The following ZKSCAN1 variants were observed in gnomAD, a reference collection of about 807,000 sequenced individuals.
ZKSCAN1 encodes the protein zinc finger protein with KRAB and SCAN domains 1.
In ZKSCAN1, 14 loss-of-function variants were observed where a neutral mutation model predicts 51.6. The observed-to-expected ratio is 0.27, with a 90% CI of 0.18 to 0.42. The LOEUF is 0.42. Among genes scored for constraint, ZKSCAN1 ranks in the 10% least tolerant of loss-of-function variants. ZKSCAN1 has a pLI of 1.00. For missense variants in ZKSCAN1, 531 were observed against 710.0 expected, an observed-to-expected ratio of 0.75 and a Z score of 2.86; for synonymous variants, 263 against 261.5, an observed-to-expected ratio of 1.01 and a Z score of -0.06.
chr7:100,018,954 C>T (rs1584325813), intron 1 of ZKSCAN1, among the ~76,000 whole-genome samples: 1 of 152,182 alleles, frequency 6.6e-6, no homozygotes, highest in South Asian at 2.1e-4. Flanking sequence ...CGCATCTTCG[C>T]ACTGACCCAA....
At chr7:100,028,782 C>T (rs1323869444) in intron 3 of ZKSCAN1, among the ~76,000 whole-genome samples, 1 of 118,744 alleles carries the variant, frequency 8.4e-6, no homozygotes, top group African/African-American at 3.1e-5. Flanking sequence ...TTGAACCATG[C>T]ATACATCTTA....
chr7:100,030,030 G>A, intron 4 of ZKSCAN1, 78 bp downstream of exon 4: 1 of 1,521,590 alleles, frequency 6.6e-7, no homozygotes. Context: ...ATCTCCACAG[G>A]CCACTCTGGA....
rs1791556179 is a variant in ZKSCAN1 at position 100,040,710 on chromosome 7, G to C, written c.*6513G>C. On this transcript the variant is annotated 3_prime_UTR_variant, in exon 6 of 6. Coordinates refer to ENST00000324306, the MANE Select transcript of ZKSCAN1 (RefSeq NM_003439.4). ...CCAGGCTGAGAAAGAGTAATTAGGA[G>C]GCCTGAGGAGGGGCCGAGGAAAGGC... The C allele has an allele frequency of 1.0e-6, 1 of 985,444 alleles. No homozygotes were observed. The highest frequency in any genetic ancestry group is 1.2e-6 in the Non-Finnish European group (1 of 829,964). 61.0% of individuals were successfully genotyped at this position (985,444 alleles called of 1,614,324 possible). A position where few individuals can be genotyped will look rare whatever the true frequency, so the allele number is the denominator to read the frequency against.
downstream of ZKSCAN1, among the ~76,000 whole-genome samples, chr7:100,041,845 C>A (rs1355023880): frequency 2.6e-5 from 4 of 152,154 alleles, no homozygotes; most frequent in African/African-American, 9.7e-5. Flanking sequence ...GTTTACTTTG[C>A]AAACCAAAAT....
rs1006001855 is a variant in ZKSCAN1 at position 100,034,927 on chromosome 7, A to G, written c.*730A>G. The G allele has an allele frequency of 9.2e-5, 14 of 152,818 alleles. No individual in the cohort carries two copies. Among genetic ancestry groups the G allele is most frequent in the African/African-American group, 3.4e-4 (14 of 41,568 alleles). The allele number at this position is 152,818 out of a possible 1,614,324, so 9.5% of individuals were successfully genotyped here. A position where few individuals can be genotyped will look rare whatever the true frequency, so the allele number is the denominator to read the frequency against. ...CTCCAAATACATCTCTCCCTTCTTG[A>G]AATCCCTAAAGCACTATCGCACTCC... On this transcript the variant is annotated 3_prime_UTR_variant, in exon 6 of 6. Coordinates refer to ENST00000324306, the MANE Select transcript of ZKSCAN1 (RefSeq NM_003439.4).
Position 100,034,004 on chromosome 7 carries a change from G to A in ZKSCAN1, c.1499G>A (p.Arg500Gln). The change falls in exon 6 of 6, where the codon CGA becomes CAA. Residue 500 changes from arginine (R) to glutamine (Q), a missense_variant. This residue lies in a region of ZKSCAN1 where 128 missense variants were observed against 219.5 expected (regional missense o/e 0.58). Transcript: ENST00000324306. Reference sequence around the variant, plus strand: ...AGTGAATGTGGAAAAGCTTTCAACCGAAACTCATACCTGATTTTGCATCGG... The same window carrying A: ...AGTGAATGTGGAAAAGCTTTCAACCAAAACTCATACCTGATTTTGCATCGG... ...ECSECGKAFN[R>Q]NSYLILHRRI... 1.2e-6 allele frequency: 2 copies of A among 1,614,098 alleles called. No homozygotes were observed. Among genetic ancestry groups the A allele is most frequent in the East Asian group, 2.2e-5 (1 of 44,882 alleles).
intron 3 of ZKSCAN1, among the ~76,000 whole-genome samples, chr7:100,029,021 G>A (rs1790975411): frequency 6.6e-6 from 1 of 151,978 alleles, no homozygotes; most frequent in Non-Finnish European, 1.5e-5. Flanking sequence ...AAAATTAGCT[G>A]GGCGTGGTGG....
At chr7:100,017,576 A>G (rs1327079119) in intron 1 of ZKSCAN1, among the ~76,000 whole-genome samples, 3 of 152,224 alleles carry the variant, frequency 2.0e-5, no homozygotes, top group Non-Finnish European at 4.4e-5. Flanking sequence ...GCTGTTTGGA[A>G]CACAGCCTTT....
intron 1 of ZKSCAN1, among the ~76,000 whole-genome samples, chr7:100,022,033 A>G (rs1442678734): frequency 6.6e-6 from 1 of 152,036 alleles, no homozygotes. Flanking sequence ...ATGAGCTACC[A>G]TATCTGGCCA....
Position 100,023,402 on chromosome 7 carries a change from T to C in ZKSCAN1, c.-88-17T>C, listed in dbSNP as rs1005786068. On this transcript the variant is annotated splice_polypyrimidine_tract_variant and intron_variant, in intron 1 of 5. Transcript: ENST00000324306. ...TTTGTAAAGGTACGTACTAATGACTTTTTTTTTATACTTCAGGAATAGTAA... is the reference window on the plus strand; with the variant it reads ...TTTGTAAAGGTACGTACTAATGACTCTTTTTTTATACTTCAGGAATAGTAA... The C allele has an allele frequency of 1.0e-5, 14 of 1,360,954 alleles. No homozygotes were observed. The highest frequency in any genetic ancestry group is 1.4e-5 in the Non-Finnish European group (14 of 1,001,238). 84.3% of individuals were successfully genotyped at this position (1,360,954 alleles called of 1,614,324 possible).
In ZKSCAN1 at chr7:100,036,726, A is replaced by G. The variant is rs556007190; in HGVS notation, c.*2529A>G. ...GCAAAACTCCATCTCAAAAAAAAAAAAAAGAAAGAAAGAAACTGAAAAGTG... is the reference window on the plus strand; with the variant it reads ...GCAAAACTCCATCTCAAAAAAAAAAGAAAGAAAGAAAGAAACTGAAAAGTG... On this transcript the variant is annotated 3_prime_UTR_variant, in exon 6 of 6. Transcript: ENST00000324306. 1.4e-4 allele frequency: 134 copies of G among 984,550 alleles called. 1 individual carries two copies. Among genetic ancestry groups the G allele is most frequent in the South Asian group, 9.9e-4 (21 of 21,266 alleles). 61.0% of individuals were successfully genotyped at this position (984,550 alleles called of 1,614,324 possible). A position where few individuals can be genotyped will look rare whatever the true frequency, so the allele number is the denominator to read the frequency against.
At position 100,037,332 on chromosome 7, in the gene ZKSCAN1, G is replaced by C; in HGVS notation, c.*3135G>C. ...GGAAGAGAAGTAAAATCCTCAGGTT[G>C]TGGGGTATTTGTTTCTACTCCAGCC... On this transcript the variant is annotated 3_prime_UTR_variant, in exon 6 of 6. Transcript: ENST00000324306. The C allele has an allele frequency of 1.0e-6, 1 of 985,432 alleles. No individual in the cohort carries two copies. The highest frequency in any genetic ancestry group is 4.7e-5 in the South Asian group (1 of 21,290). The allele number at this position is 985,432 out of a possible 1,614,324, so 61.0% of individuals were successfully genotyped here. A position where few individuals can be genotyped will look rare whatever the true frequency, so the allele number is the denominator to read the frequency against.
intron 3 of ZKSCAN1, among the ~76,000 whole-genome samples, chr7:100,025,171 CATT>C (rs912198860): frequency 1.3e-5 from 2 of 151,770 alleles, no homozygotes; most frequent in Non-Finnish European, 2.9e-5. Context: ...GAACAGATGT[CATT>C]ATTTTCAGCC....
At position 100,039,344 on chromosome 7, in the gene ZKSCAN1, A is replaced by T; in HGVS notation, c.*5147A>T. The T allele has an allele frequency of 1.0e-6, 1 of 985,212 alleles. No individual in the cohort carries two copies. The highest frequency in any genetic ancestry group is 1.2e-6 in the Non-Finnish European group (1 of 830,018). The allele number at this position is 985,212 out of a possible 1,614,324, so 61.0% of individuals were successfully genotyped here. On this transcript the variant is annotated 3_prime_UTR_variant, in exon 6 of 6. Transcript: ENST00000324306. ...AAAAAAAAAGAAAGAAAGAAAGAAA[A>T]TTGGGGATAGGAGAACAGCAAGGTG...
In ZKSCAN1 at chr7:100,038,825, C is replaced by T. The variant is rs559486569; in HGVS notation, c.*4628C>T. The T allele has an allele frequency of 1.2e-3, 888 of 739,028 alleles. 1 individual carries two copies. Among genetic ancestry groups the T allele is most frequent in the Admixed American group, 1.3e-3 (21 of 15,964 alleles). 45.8% of individuals were successfully genotyped at this position (739,028 alleles called of 1,614,324 possible). A position where few individuals can be genotyped will look rare whatever the true frequency, so the allele number is the denominator to read the frequency against. On this transcript the variant is annotated 3_prime_UTR_variant, in exon 6 of 6. Transcript: ENST00000324306. Reference sequence around the variant, plus strand: ...CCTGGCTAACATGGCGAAACCCCGTCTCTACTAAAAATACAAAAAAATAGC... The same window carrying T: ...CCTGGCTAACATGGCGAAACCCCGTTTCTACTAAAAATACAAAAAAATAGC...
At chr7:100,043,767 CT>C (rs1408961161), downstream of ZKSCAN1, among the ~76,000 whole-genome samples, 4 of 120,418 alleles carry the variant, frequency 3.3e-5, no homozygotes, top group Admixed American at 3.6e-4. Context: ...TCTTTTCTTT[CT>C]TGATTTTTTT....
At chr7:100,021,116 C>CTTTTTTTTTT (rs60632908) in intron 1 of ZKSCAN1, among the ~76,000 whole-genome samples, 38 of 85,290 alleles carry the variant, frequency 4.5e-4, no homozygotes, top group East Asian at 1.3e-3. Flanking sequence ...TTTTTTTTTC[C>CTTTTTTTTTT]TTTTTTTTTT....
In ZKSCAN1 at chr7:100,036,728, A is replaced by T. The variant is rs1248870890; in HGVS notation, c.*2531A>T. On this transcript the variant is annotated 3_prime_UTR_variant, in exon 6 of 6. Coordinates refer to ENST00000324306, the MANE Select transcript of ZKSCAN1 (RefSeq NM_003439.4). Reference sequence around the variant, plus strand: ...AAAACTCCATCTCAAAAAAAAAAAAAAGAAAGAAAGAAACTGAAAAGTGAG... The same window carrying T: ...AAAACTCCATCTCAAAAAAAAAAAATAGAAAGAAAGAAACTGAAAAGTGAG... 139 of 981,604 alleles carry T rather than the reference A, an allele frequency of 1.4e-4. No homozygotes were observed. Among genetic ancestry groups the T allele is most frequent in the Non-Finnish European group, 1.5e-4 (125 of 827,608 alleles). 60.8% of individuals were successfully genotyped at this position (981,604 alleles called of 1,614,324 possible). A position where few individuals can be genotyped will look rare whatever the true frequency, so the allele number is the denominator to read the frequency against.
rs1791232700 is a variant in ZKSCAN1 at position 100,034,047 on chromosome 7, A to G, written c.1542A>G (p.Glu514=). ...LILHRRIHTR[E]KPYKCTKCGK... ...TGCATCGGAGAATTCACACTCGAGA[A>G]AAGCCCTACAAGTGCACTAAGTGTG... The change falls in exon 6 of 6, where the codon GAA becomes GAG. Residue 514 remains glutamate (E), a synonymous_variant. Transcript: ENST00000324306. 1 of 1,613,960 alleles carries G rather than the reference A, an allele frequency of 6.2e-7. No homozygotes were observed. Among genetic ancestry groups the G allele is most frequent in the Non-Finnish European group, 8.5e-7 (1 of 1,179,988 alleles).
Sources: allele counts gnomAD v4.1 joint callset (sites outside exome capture counted in the v4.1 genomes callset), GRCh38; gene constraint gnomAD v4.1.1; regional missense constraint gnomAD v4.1.1; transcripts MANE v1.5; gene names NCBI Gene and HGNC (gene_info 2026-07-23, HGNC 2026-07-21).